The following FHIT variants were observed in gnomAD, a reference collection of about 807,000 sequenced individuals.
The protein encoded by FHIT is fragile histidine triad diadenosine triphosphatase, also known as bis(5'-adenosyl)-triphosphatase.
Under a neutral mutation model 17.9 loss-of-function variants are expected in FHIT, and 19 were observed. The ratio of observed to expected loss-of-function variants is 1.06; its 90% CI spans 0.74 to 1.56. FHIT has a LOEUF of 1.56. Ranked by LOEUF, FHIT falls within the 40% of genes most tolerant of loss-of-function variation. The pLI, the probability that FHIT is intolerant of heterozygous loss-of-function variation, is 0.00. For missense variants in FHIT, 248 were observed against 189.2 expected (o/e 1.31, Z -1.82); for synonymous variants, 81 against 69.7 (o/e 1.16, Z -0.81).
intron 5 of FHIT, among the ~76,000 whole-genome samples, chr3:60,449,275 C>T (rs575916381): frequency 6.6e-6 from 1 of 152,212 alleles, no homozygotes; most frequent in Non-Finnish European, 1.5e-5. Context: ...CTTGTTCTAG[C>T]CTTTTGTGCC....
At chr3:60,458,760 G>A (rs940212888) in intron 5 of FHIT, among the ~76,000 whole-genome samples, 2 of 151,844 alleles carry the variant, frequency 1.3e-5, no homozygotes, top group African/African-American at 4.8e-5. Flanking sequence ...CATGATATGG[G>A]GGCTATGTGC....
At chr3:60,268,692 G>T (rs770416122) in intron 5 of FHIT, among the ~76,000 whole-genome samples, 10 of 152,220 alleles carry the variant, frequency 6.6e-5, no homozygotes, top group Non-Finnish European at 1.5e-4. Flanking sequence ...CACAGTAGGT[G>T]TAGGTGTGGT....
At chr3:60,891,633 A>T (rs1273323625) in intron 3 of FHIT, among the ~76,000 whole-genome samples, 3 of 152,096 alleles carry the variant, frequency 2.0e-5, no homozygotes, top group Admixed American at 2.0e-4. Flanking sequence ...ATAAAATATC[A>T]TTTTCATCTA....
intron 1 of FHIT, among the ~76,000 whole-genome samples, chr3:61,219,779 C>T (rs2039786909): frequency 6.6e-6 from 1 of 152,154 alleles, no homozygotes; most frequent in South Asian, 2.1e-4. Flanking sequence ...GAGGATAGCC[C>T]TCCAAAAAAT....
At chr3:60,157,046 T>C (rs1700731348) in intron 5 of FHIT, among the ~76,000 whole-genome samples, 1 of 152,236 alleles carries the variant, frequency 6.6e-6, no homozygotes, top group Non-Finnish European at 1.5e-5. Context: ...GATTTATACA[T>C]TTTTGATTAA....
At chr3:60,803,796 G>C (rs782694193) in intron 4 of FHIT, among the ~76,000 whole-genome samples, 16 of 152,284 alleles carry the variant, frequency 1.1e-4, no homozygotes, top group Non-Finnish European at 2.1e-4. Context: ...TGCGATTTTT[G>C]GTAAGGACCC....
rs1019033937 is a variant in FHIT, at chr3:60,451,273, C to T, written c.103+85587G>A. ...GCTTTTTGGGAAACGTCCTAAGCCA[C>T]GAAAACCAACTTGCCGTTGCATATC... is the stretch of plus-strand genomic sequence containing the variant. On this transcript the variant is annotated intron_variant, in intron 5 of 9. Coordinates refer to ENST00000492590, the MANE Select transcript of FHIT (RefSeq NM_002012.4). 1.4e-4 allele frequency among the ~76,000 whole-genome samples: 21 copies of T among 152,150 alleles called. No homozygotes were observed. The South Asian group carries it at 2.3e-3, about 17-fold the overall frequency.
chr3:60,242,602 A>T (rs1442076652), intron 5 of FHIT, among the ~76,000 whole-genome samples: 1 of 152,068 alleles, frequency 6.6e-6, no homozygotes, highest in South Asian at 2.1e-4. Context: ...GACTGCTTAG[A>T]TAACTCCAAT....
Position 60,901,925 on chromosome 3 carries a change from G to C in FHIT, c.-110-79914C>G, listed in dbSNP as rs189604032. On this transcript the variant is annotated intron_variant, in intron 3 of 9. Transcript: ENST00000492590. ...AAGTACTGTTTTGTCCTCGCGTTGG[G>C]GATTTTTGTTTTGTTTTGTTTTTTT... Among the ~76,000 whole-genome samples the C allele has an allele frequency of 1.1e-3, 163 of 151,962 alleles. 2 individuals carry two copies. Among genetic ancestry groups the C allele is most frequent in the Non-Finnish European group, 2.4e-4 (16 of 67,936 alleles).
At chr3:59,808,645 C>G (rs565734561) in intron 8 of FHIT, among the ~76,000 whole-genome samples, 1 of 152,324 alleles carries the variant, frequency 6.6e-6, no homozygotes, top group East Asian at 1.9e-4. Flanking sequence ...ATACAGCTTT[C>G]TGCTGAGCTG....
chr3:60,851,465 C>T (rs1019407488), intron 3 of FHIT, among the ~76,000 whole-genome samples: 3 of 152,086 alleles, frequency 2.0e-5, no homozygotes, highest in Non-Finnish European at 4.4e-5. Context: ...ACTCCCAGAA[C>T]CCATCTCACA....
intron 5 of FHIT, among the ~76,000 whole-genome samples, chr3:60,143,270 C>T (rs61158509): frequency 0.2 from 29,853 of 152,062 alleles, 3,192 homozygotes; most frequent in Middle Eastern, 0.3. Flanking sequence ...TGGGGCCACA[C>T]GTATTTCCCC....
At chr3:60,569,805 G>T (rs1451164475) in intron 4 of FHIT, among the ~76,000 whole-genome samples, 1 of 135,006 alleles carries the variant, frequency 7.4e-6, no homozygotes, top group Non-Finnish European at 1.5e-5. Flanking sequence ...AGGCTGGAGT[G>T]CAACGGCACA....
rs1378500848 is a variant in FHIT, at chr3:60,569,490, A to G, written c.-17-32511T>C. Among the ~76,000 whole-genome samples, 5 of 152,104 alleles carry G rather than the reference A, an allele frequency of 3.3e-5. No individual in the cohort carries two copies. The East Asian group carries it at 9.7e-4, about 29-fold the overall frequency. Reference sequence around the variant, plus strand: ...GAAATCCATCACTACTACTCCAAGCATATGCCTACTGAGTAATGAGTTAGC... The same window carrying G: ...GAAATCCATCACTACTACTCCAAGCGTATGCCTACTGAGTAATGAGTTAGC... On this transcript the variant is annotated intron_variant, in intron 4 of 9. Transcript: ENST00000492590.
At chr3:60,022,523 C>T (rs945862006) in intron 5 of FHIT, among the ~76,000 whole-genome samples, 1 of 152,168 alleles carries the variant, frequency 6.6e-6, no homozygotes, top group African/African-American at 2.4e-5. Flanking sequence ...CAATGCTTTG[C>T]AATGGTAGCT....
chr3:60,543,539 G>A (rs2036254428), intron 4 of FHIT, among the ~76,000 whole-genome samples: 1 of 152,038 alleles, frequency 6.6e-6, no homozygotes, highest in East Asian at 1.9e-4. Context: ...TCCCTTATAT[G>A]TTTTATGCAT....
chr3:60,981,216 G>A (rs376719926), intron 3 of FHIT, among the ~76,000 whole-genome samples: 36 of 151,674 alleles, frequency 2.4e-4, no homozygotes, highest in African/African-American at 8.5e-4. Context: ...TGCCTGGGTT[G>A]AATAAAAGTG....
chr3:60,361,177 G>A (rs961119874), intron 5 of FHIT, among the ~76,000 whole-genome samples: 3 of 152,156 alleles, frequency 2.0e-5, no homozygotes, highest in African/African-American at 7.2e-5. Flanking sequence ...AAATGAGCAA[G>A]TCATGCCTTT....
At chr3:60,116,051 G>C (rs1252431679) in intron 5 of FHIT, among the ~76,000 whole-genome samples, 3 of 152,112 alleles carry the variant, frequency 2.0e-5, no homozygotes, top group African/African-American at 2.4e-5. Flanking sequence ...AACATCCAAT[G>C]ATGTCATGAA....
Sources: allele counts gnomAD v4.1 joint callset (sites outside exome capture counted in the v4.1 genomes callset), GRCh38; gene constraint gnomAD v4.1.1; transcripts MANE v1.5; gene names NCBI Gene and HGNC (gene_info 2026-07-23, HGNC 2026-07-21).